Variants in ELOVL4 observed in about 807,000 individuals in gnomAD.
The protein encoded by ELOVL4 is very long chain fatty acid elongase 4.
A neutral mutation model predicts 42.1 loss-of-function variants in ELOVL4; 18 were observed. The ratio of observed to expected loss-of-function variants is 0.43; its 90% CI spans 0.30 to 0.63. The LOEUF is 0.63. Among genes scored for constraint, ELOVL4 ranks in the 30% least tolerant of loss-of-function variants. ELOVL4 has a pLI of 0.15. For synonymous variants in ELOVL4, 117 were observed against 127.0 expected, an observed-to-expected ratio of 0.92 and a Z score of 0.53; for missense variants, 299 against 376.2, an observed-to-expected ratio of 0.79 and a Z score of 1.70.
chr6:79,944,987 C>CA (rs200726708), intron 1 of ELOVL4, among the ~76,000 whole-genome samples: 2,909 of 91,204 alleles, frequency 0.032, 23 homozygotes, highest in African/African-American at 0.047. Context: ...TGAATGAGTC[C>CA]AAAAAAAAAA....
rs529842687 is a variant in ELOVL4 at position 79,926,094 on chromosome 6, G to T, written c.288+100C>A. 1.1e-5 allele frequency: 12 copies of T among 1,091,212 alleles called. No homozygotes were observed. In the South Asian group the frequency reaches 1.7e-4, roughly 15 times the overall value. 67.6% of individuals were successfully genotyped at this position (1,091,212 alleles called of 1,614,324 possible). ...AAATGTACTTTTAGAGTAGCTAACA[G>T]TTATGTCTGGGTAAAATATTACAAT... On this transcript the variant is annotated intron_variant, in intron 2 of 5. Transcript: ENST00000369816.
chr6:79,920,742 T>C (rs1347884909), intron 4 of ELOVL4, among the ~76,000 whole-genome samples: 2 of 152,208 alleles, frequency 1.3e-5, no homozygotes. Context: ...GCATCAACAT[T>C]ATGCTGTACA....
intron 1 of ELOVL4, among the ~76,000 whole-genome samples, chr6:79,940,321 T>G (rs1774625455): frequency 6.6e-6 from 1 of 152,212 alleles, no homozygotes; most frequent in Non-Finnish European, 1.5e-5. Flanking sequence ...GGTATTTGTT[T>G]ACAAATGGTA....
chr6:79,917,207 T>C (rs1774177969), intron 5 of ELOVL4, among the ~76,000 whole-genome samples: 1 of 152,152 alleles, frequency 6.6e-6, no homozygotes, highest in Non-Finnish European at 1.5e-5. Flanking sequence ...ATCTTTCCAC[T>C]AGAAAATGAC....
rs192245814 is a variant in ELOVL4 at position 79,928,364 on chromosome 6, A to C, written c.101-1983T>G. Among the ~76,000 whole-genome samples, 97 of 152,288 alleles carry C rather than the reference A, an allele frequency of 6.4e-4. 1 individual carries two copies. Among genetic ancestry groups the C allele is most frequent in the Admixed American group, 4.7e-3 (72 of 15,302 alleles). On this transcript the variant is annotated intron_variant, in intron 1 of 5. Transcript: ENST00000369816. ...ATTTTAATTCCTAACATCATAGATT[A>C]TCTCTCACCCTTACCACACACAGAA...
At chr6:79,928,731 T>TTTTTTG (rs1774390136) in intron 1 of ELOVL4, among the ~76,000 whole-genome samples, 1 of 134,098 alleles carries the variant, frequency 7.5e-6, no homozygotes, top group African/African-American at 3.0e-5. Context: ...GACTGGGTTT[T>TTTTTTG]TTTTTTTTTT....
chr6:79,919,603 C>A lies in ELOVL4; in HGVS notation c.542-56G>T, dbSNP rs1026816779. The A allele has an allele frequency of 6.0e-6, 9 of 1,491,230 alleles. No homozygotes were observed. The Admixed American group carries it at 8.5e-5, about 14-fold the overall frequency. The allele number at this position is 1,491,230 out of a possible 1,614,324, so 92.4% of individuals were successfully genotyped here. ...ACAGAAAATTTTATTAGGCAGTAAGCCACTGAGATGTACAATAAATGAATA... is the reference window on the plus strand; with the variant it reads ...ACAGAAAATTTTATTAGGCAGTAAGACACTGAGATGTACAATAAATGAATA... On this transcript the variant is annotated intron_variant, in intron 4 of 5. Transcript: ENST00000369816.
chr6:79,923,662 A>G (rs561569436), intron 3 of ELOVL4, among the ~76,000 whole-genome samples: 1 of 152,146 alleles, frequency 6.6e-6, no homozygotes, highest in African/African-American at 2.4e-5. Context: ...ATTTGTTTAC[A>G]TGGCTGCTGT....
intron 1 of ELOVL4, 142 bp downstream of exon 1, chr6:79,947,037 CG>C: frequency 1.4e-6 from 1 of 697,616 alleles, no homozygotes; most frequent in Non-Finnish European, 2.5e-6. Context: ...CCGCAGTGCC[CG>C]CGCCGGCCCC....
intron 4 of ELOVL4, 24 bp downstream of exon 4, chr6:79,921,601 C>T: frequency 6.2e-7 from 1 of 1,609,470 alleles, no homozygotes; most frequent in Non-Finnish European, 8.5e-7. Flanking sequence ...TAAACGCAAG[C>T]AGTATATTCC....
intron 1 of ELOVL4, among the ~76,000 whole-genome samples, chr6:79,937,767 T>C (rs1030281369): frequency 2.0e-5 from 3 of 152,254 alleles, no homozygotes; most frequent in Admixed American, 6.5e-5. Context: ...ACTTTCTAGC[T>C]ATGTAGCTTT....
At chr6:79,924,137 T>C (rs1774305962) in intron 3 of ELOVL4, among the ~76,000 whole-genome samples, 1 of 152,222 alleles carries the variant, frequency 6.6e-6, no homozygotes, top group Non-Finnish European at 1.5e-5. Context: ...TGTAAGTGAA[T>C]GGAAAATAAA....
intron 1 of ELOVL4, among the ~76,000 whole-genome samples, chr6:79,941,863 G>A (rs1443254202): frequency 2.0e-5 from 3 of 152,212 alleles, no homozygotes; most frequent in Admixed American, 6.5e-5. Flanking sequence ...ATGTTGGAGA[G>A]AAAGATACAA....
chr6:79,923,322 C>A (rs1774288778), intron 3 of ELOVL4, among the ~76,000 whole-genome samples: 1 of 152,166 alleles, frequency 6.6e-6, no homozygotes, highest in South Asian at 2.1e-4. Flanking sequence ...ATCTCAGGTT[C>A]TTTATCCTCC....
At chr6:79,932,315 C>A (rs900748473) in intron 1 of ELOVL4, among the ~76,000 whole-genome samples, 1 of 151,766 alleles carries the variant, frequency 6.6e-6, no homozygotes, top group Non-Finnish European at 1.5e-5. Context: ...CCGAGGCAGG[C>A]GAATCACTTG....
chr6:79,927,823 A>C (rs985592133), intron 1 of ELOVL4, among the ~76,000 whole-genome samples: 1 of 152,228 alleles, frequency 6.6e-6, no homozygotes, highest in Non-Finnish European at 1.5e-5. Context: ...GATTATGGCT[A>C]TATCACTCAA....
chr6:79,925,694 T>C (rs978143732), intron 2 of ELOVL4, among the ~76,000 whole-genome samples: 3 of 152,192 alleles, frequency 2.0e-5, no homozygotes, highest in Non-Finnish European at 4.4e-5. Context: ...ATATGGCAGT[T>C]AATTCATTTT....
rs886061806 is a variant in ELOVL4, at chr6:79,947,537, G to A, written c.-258C>T. ...GAGGAGGCCCAGCCGCCAGCACAGT[G>A]CGCTGCACCAGTCTGCAGCCTCGCG... On this transcript the variant is annotated 5_prime_UTR_variant, in exon 1 of 6. Transcript: ENST00000369816. 1 of 498,584 alleles carries A rather than the reference G, an allele frequency of 2.0e-6. No individual in the cohort carries two copies. Among genetic ancestry groups the A allele is most frequent in the East Asian group, 3.8e-5 (1 of 26,182 alleles). 30.9% of individuals were successfully genotyped at this position (498,584 alleles called of 1,614,324 possible).
At chr6:79,927,872 T>G (rs1278143038) in intron 1 of ELOVL4, among the ~76,000 whole-genome samples, 1 of 152,162 alleles carries the variant, frequency 6.6e-6, no homozygotes. Flanking sequence ...ACCAATATAT[T>G]TGAACCACAG....
Sources: allele counts gnomAD v4.1 joint callset (sites outside exome capture counted in the v4.1 genomes callset), GRCh38; gene constraint gnomAD v4.1.1; transcripts MANE v1.5; gene names NCBI Gene and HGNC (gene_info 2026-07-23, HGNC 2026-07-21).